The following ASTN1 variants were observed in gnomAD, a reference collection of about 807,000 sequenced individuals.
ASTN1 encodes the protein astrotactin-1.
In ASTN1, 41 loss-of-function variants were observed where a neutral mutation model predicts 140.7. That is an observed-to-expected ratio of 0.29 (90% CI 0.23 to 0.38). The LOEUF (loss-of-function observed/expected upper bound fraction) is 0.38, where lower values mean the gene tolerates loss of function less well. Among genes scored for constraint, ASTN1 ranks in the 10% least tolerant of loss-of-function variants. The probability of loss-of-function intolerance (pLI) is 1.00; values close to 1 mark genes in which losing one functional copy is unlikely to be tolerated. For missense variants in ASTN1, 1,479 were observed against 1,678.8 expected, an observed-to-expected ratio of 0.88 and a Z score of 2.08; for synonymous variants, 640 against 652.2, an observed-to-expected ratio of 0.98 and a Z score of 0.29.
At chr1:177,050,644 C>A (rs1677493444) in intron 2 of ASTN1, among the ~76,000 whole-genome samples, 1 of 152,106 alleles carries the variant, frequency 6.6e-6, no homozygotes, top group Non-Finnish European at 1.5e-5. Context: ...CACAGGTAAG[C>A]CATTTAACAA....
At chr1:177,069,595 G>A (rs1678534837) in intron 1 of ASTN1, among the ~76,000 whole-genome samples, 1 of 152,072 alleles carries the variant, frequency 6.6e-6, no homozygotes, top group Middle Eastern at 3.2e-3. Flanking sequence ...GTCACTCTAC[G>A]CTACTCTGTA....
At chr1:176,922,421 C>T (rs1245590426) in intron 16 of ASTN1, among the ~76,000 whole-genome samples, 1 of 151,894 alleles carries the variant, frequency 6.6e-6, no homozygotes, top group African/African-American at 2.4e-5. Flanking sequence ...AAGGGAGTAA[C>T]CCCCAGGCTG....
At chr1:177,063,884 T>G (rs1047858058) in intron 1 of ASTN1, among the ~76,000 whole-genome samples, 2 of 152,146 alleles carry the variant, frequency 1.3e-5, no homozygotes, top group Non-Finnish European at 2.9e-5. Context: ...GCCTCCTGCC[T>G]GCACCCATTC....
intron 1 of ASTN1, among the ~76,000 whole-genome samples, chr1:177,078,376 G>C (rs1162298090): frequency 6.6e-6 from 1 of 152,130 alleles, no homozygotes; most frequent in African/African-American, 2.4e-5. Context: ...ACTGTGCCCT[G>C]TAAGCAACAG....
intron 1 of ASTN1, among the ~76,000 whole-genome samples, chr1:177,091,592 C>G (rs1679756042): frequency 6.6e-6 from 1 of 152,104 alleles, no homozygotes; most frequent in African/African-American, 2.4e-5. Flanking sequence ...TTAAGATGCA[C>G]AATTCAGTGA....
Position 176,949,195 on chromosome 1 carries a change from TGAG to T in ASTN1, c.2041_2043del (p.Leu681del), listed in dbSNP as rs1303542574. On this transcript the variant is annotated inframe_deletion, in exon 12 of 23. Transcript: ENST00000361833. ...GGCAGCTCAACTCACCCACAGAACATGAGGATGTTATACAAGGTGGGGTCGTCC... is the reference window on the plus strand; with the variant it reads ...GGCAGCTCAACTCACCCACAGAACATGATGTTATACAAGGTGGGGTCGTCC... The T allele has an allele frequency of 6.2e-7, 1 of 1,612,648 alleles. No individual in the cohort carries two copies. The highest frequency in any genetic ancestry group is 8.5e-7 in the Non-Finnish European group (1 of 1,179,148).
At chr1:176,979,799 A>T (rs767611401) in intron 8 of ASTN1, among the ~76,000 whole-genome samples, 1 of 152,154 alleles carries the variant, frequency 6.6e-6, no homozygotes, top group Non-Finnish European at 1.5e-5. Context: ...AAAAATTTCC[A>T]TGAGTGTGCT....
At chr1:177,110,033 C>T (rs1218203630) in intron 1 of ASTN1, among the ~76,000 whole-genome samples, 1 of 152,052 alleles carries the variant, frequency 6.6e-6, no homozygotes, top group East Asian at 1.9e-4. Flanking sequence ...TTATTTGTCC[C>T]CCTTTCTCCA....
chr1:177,097,041 CT>C (rs112999620), intron 1 of ASTN1, among the ~76,000 whole-genome samples: 12 of 148,142 alleles, frequency 8.1e-5, no homozygotes, highest in East Asian at 3.9e-4. Context: ...TGAATTTCTG[CT>C]TTTTTTTTTA....
intron 11 of ASTN1, among the ~76,000 whole-genome samples, chr1:176,953,050 G>A (rs1438898373): frequency 6.6e-6 from 1 of 152,216 alleles, no homozygotes; most frequent in African/African-American, 2.4e-5. Context: ...TTCGTGAGAT[G>A]CTCATGGCTT....
intron 11 of ASTN1, among the ~76,000 whole-genome samples, chr1:176,950,544 T>C: frequency 6.6e-6 from 1 of 152,106 alleles, no homozygotes; most frequent in East Asian, 1.9e-4. Context: ...CCATTAACAT[T>C]GCCAGTTAAT....
intron 2 of ASTN1, among the ~76,000 whole-genome samples, chr1:177,056,562 CATATAT>C (rs146444597): frequency 2.8e-4 from 38 of 136,316 alleles, no homozygotes; most frequent in Non-Finnish European, 4.5e-4. Flanking sequence ...AGAAAAATTT[CATATAT>C]ATATATATAT....
At chr1:177,034,833 G>A (rs920098513) in intron 2 of ASTN1, among the ~76,000 whole-genome samples, 1 of 152,234 alleles carries the variant, frequency 6.6e-6, no homozygotes, top group Non-Finnish European at 1.5e-5. Flanking sequence ...ATTGAATTAA[G>A]CTAGTGAAAA....
intron 1 of ASTN1, among the ~76,000 whole-genome samples, chr1:177,061,815 GA>G (rs1678111373): frequency 1.3e-5 from 2 of 152,172 alleles, no homozygotes; most frequent in South Asian, 4.1e-4. Context: ...TAGTCCACTG[GA>G]GATGTTTGCT....
intron 1 of ASTN1, among the ~76,000 whole-genome samples, chr1:177,134,556 G>C (rs931475691): frequency 2.0e-5 from 3 of 152,146 alleles, no homozygotes; most frequent in Non-Finnish European, 2.9e-5. Context: ...TTATTCAGTG[G>C]GGAATGAAAG....
intron 21 of ASTN1, among the ~76,000 whole-genome samples, chr1:176,875,262 T>C (rs979816651): frequency 6.6e-5 from 10 of 152,018 alleles, no homozygotes; most frequent in Non-Finnish European, 1.0e-4. Context: ...TTGGAAGAAC[T>C]GAGGAAGGCA....
chr1:177,041,030 T>C (rs1472492252), intron 2 of ASTN1, among the ~76,000 whole-genome samples: 3 of 152,178 alleles, frequency 2.0e-5, no homozygotes, highest in Non-Finnish European at 4.4e-5. Context: ...TAGAGATCTC[T>C]CATCATTAGT....
At chr1:177,079,283 G>A (rs896183858) in intron 1 of ASTN1, among the ~76,000 whole-genome samples, 1 of 152,178 alleles carries the variant, frequency 6.6e-6, no homozygotes, top group Non-Finnish European at 1.5e-5. Context: ...TGGTGAGGAA[G>A]CTGATGTCTT....
rs138908910 is a variant in ASTN1 at position 177,023,381 on chromosome 1, C to A, written c.1438+23G>T. On this transcript the variant is annotated intron_variant, in intron 7 of 22. Coordinates refer to ENST00000361833, the MANE Select transcript of ASTN1 (RefSeq NM_004319.3). The stretch of plus-strand genomic sequence containing the variant: ...AGGCATGATCTCTCTGACAGTTACC[C>A]GCTGCCCGGTGCTCCCGCCTACCAG... 4.1e-5 allele frequency: 64 copies of A among 1,562,238 alleles called. 2 individuals carry two copies. The East Asian group carries it at 1.5e-3, about 36-fold the overall frequency.
Sources: allele counts gnomAD v4.1 joint callset (sites outside exome capture counted in the v4.1 genomes callset), GRCh38; gene constraint gnomAD v4.1.1; transcripts MANE v1.5; gene names NCBI Gene and HGNC (gene_info 2026-07-23, HGNC 2026-07-21).